The following USB1 variants were observed in gnomAD, a reference collection of about 807,000 sequenced individuals.
USB1 encodes U6 snRNA phosphodiesterase 1.
Under a neutral mutation model 29.9 loss-of-function variants are expected in USB1, and 21 were observed. The observed-to-expected ratio is 0.70, with a 90% CI of 0.50 to 1.01. The LOEUF is 1.01. Ranked by LOEUF, USB1 falls within the 50% of genes least tolerant of loss-of-function variation. The probability of loss-of-function intolerance (pLI) is 0.00; values close to 1 mark genes in which losing one functional copy is unlikely to be tolerated. For synonymous variants in USB1, 143 were observed against 134.9 expected, an observed-to-expected ratio of 1.06 and a Z score of -0.42; for missense variants, 330 against 347.1, an observed-to-expected ratio of 0.95 and a Z score of 0.39.
At chr16:58,012,308 C>G in intron 3 of USB1, 2 of 1,535,512 alleles carry the variant, frequency 1.3e-6, no homozygotes, top group Non-Finnish European at 1.7e-6. Context: ...TATCAGGACT[C>G]TCTTAACCAC....
In USB1 at chr16:58,002,542, G is replaced by C. The variant is rs143792185; in HGVS notation, c.162G>C (p.Pro54=). Residue 54 remains proline (P), a synonymous_variant, in exon 2 of 7, where the codon CCG becomes CCC. Coordinates refer to ENST00000219281, the MANE Select transcript of USB1 (RefSeq NM_024598.4). ...CTGACAGTGTGCTGAACATGTTCCC[G>C]GGCACCGAGGAGGGGCCTGAAGATG... ...PVPDSVLNMF[P]GTEEGPEDDS... The C allele has an allele frequency of 1.2e-6, 2 of 1,613,944 alleles. No homozygotes were observed. Among genetic ancestry groups the C allele is most frequent in the Non-Finnish European group, 1.7e-6 (2 of 1,180,040 alleles).
In USB1 at chr16:58,020,356, G is replaced by A; in HGVS notation, c.*111G>A. The A allele has an allele frequency of 1.0e-6, 1 of 1,001,396 alleles. No individual in the cohort carries two copies. The highest frequency in any genetic ancestry group is 1.6e-6 in the Non-Finnish European group (1 of 644,774). 62.0% of individuals were successfully genotyped at this position (1,001,396 alleles called of 1,614,324 possible). On this transcript the variant is annotated 3_prime_UTR_variant, in exon 7 of 7. Coordinates refer to ENST00000219281, the MANE Select transcript of USB1 (RefSeq NM_024598.4). ...CCTCCCAGTAGGAGGCCCCAGCCAT[G>A]CCTTCAACCTGGCAGGAGGTGTAGC...
chr16:58,007,368 TTTTGTTTG>T (rs149858196), intron 2 of USB1, among the ~76,000 whole-genome samples: 3 of 152,030 alleles, frequency 2.0e-5, no homozygotes, highest in East Asian at 3.9e-4. Flanking sequence ...GGAAGGTAAT[TTTTGTTTG>T]TTTGTTTGTT....
chr16:58,012,851 T>C (rs1963530146), intron 3 of USB1: 1 of 988,652 alleles, frequency 1.0e-6, no homozygotes, highest in African/African-American at 1.7e-5. Context: ...CATACAGTGG[T>C]TCCTTAACTG....
intron 2 of USB1, among the ~76,000 whole-genome samples, chr16:58,007,758 G>C (rs896185667): frequency 6.6e-6 from 1 of 152,038 alleles, no homozygotes; most frequent in African/African-American, 2.4e-5. Context: ...AGGCCAACAC[G>C]GGCAGATTGC....
intron 4 of USB1, chr16:58,017,111 G>T: frequency 1.8e-6 from 1 of 568,220 alleles, no homozygotes; most frequent in South Asian, 2.0e-5. Flanking sequence ...TCCAGAGAAG[G>T]GAGGAGAGCT....
intron 2 of USB1, among the ~76,000 whole-genome samples, chr16:58,004,796 G>A (rs1963312677): frequency 6.6e-6 from 1 of 152,228 alleles, no homozygotes; most frequent in African/African-American, 2.4e-5. Flanking sequence ...TGTGTGCGGA[G>A]ACGAGAGATT....
intron 2 of USB1, among the ~76,000 whole-genome samples, chr16:58,004,466 G>C (rs1963305975): frequency 6.6e-6 from 1 of 152,058 alleles, no homozygotes; most frequent in Non-Finnish European, 1.5e-5. Flanking sequence ...TTTTTTTAGA[G>C]ATAGGGTCTC....
At chr16:58,017,557 C>A in intron 5 of USB1, 118 bp downstream of exon 5, 1 of 906,190 alleles carries the variant, frequency 1.1e-6, no homozygotes. Context: ...CGTGTCGGTG[C>A]TCTGAATGCC....
At chr16:58,020,100 G>A in intron 6 of USB1, 41 bp from the exon 7 acceptor site, 2 of 1,602,144 alleles carry the variant, frequency 1.2e-6, no homozygotes, top group Non-Finnish European at 8.6e-7. Context: ...GGTCCCAGAT[G>A]CCCCTTAATG....
At chr16:58,018,350 A>G (rs1963665040) in intron 5 of USB1, among the ~76,000 whole-genome samples, 1 of 151,668 alleles carries the variant, frequency 6.6e-6, no homozygotes, top group Non-Finnish European at 1.5e-5. Context: ...CAGTCTCCCA[A>G]GTGGCTGGGA....
At chr16:58,005,413 G>T (rs1316261012) in intron 2 of USB1, among the ~76,000 whole-genome samples, 2 of 152,160 alleles carry the variant, frequency 1.3e-5, no homozygotes, top group Non-Finnish European at 2.9e-5. Context: ...CCAGACGCTG[G>T]CATTACTGCT....
chr16:58,006,662 G>A (rs563781042), intron 2 of USB1, among the ~76,000 whole-genome samples: 8 of 148,040 alleles, frequency 5.4e-5, no homozygotes, highest in Non-Finnish European at 1.0e-4. Flanking sequence ...CTGTCTTGGG[G>A]AAAAAAAAAA....
In USB1 at chr16:58,002,477, A is replaced by G. The variant is rs2142290923; in HGVS notation, c.99-2A>G. ...ACTCATTTTTCTTTTTTTCTTTTGC[A>G]GTGGCCAGAGCCCCCTTCCCAGGCA... On this transcript the variant is annotated splice_acceptor_variant, in intron 1 of 6. Transcript: ENST00000219281. LOFTEE classifies it high-confidence loss of function. 4 of 1,613,878 alleles carry G rather than the reference A, an allele frequency of 2.5e-6. No homozygotes were observed. The highest frequency in any genetic ancestry group is 3.4e-6 in the Non-Finnish European group (4 of 1,180,028).
chr16:58,013,942 A>G lies in USB1; in HGVS notation c.450-331A>G. On this transcript the variant is annotated intron_variant, in intron 3 of 6. Transcript: ENST00000219281. This position sits in a 1 kb window ranked among gnomAD's most constrained non-coding sequence, Gnocchi z 4.3. ...AAATGAATCAGCTGTTAAGTGGTCC[A>G]TTATCACCTACTTGATCAATAAGGC... 3.2e-6 allele frequency: 1 copy of G among 308,270 alleles called. No homozygotes were observed. The highest frequency in any genetic ancestry group is 6.2e-6 in the Non-Finnish European group (1 of 162,088). 19.1% of individuals were successfully genotyped at this position (308,270 alleles called of 1,614,324 possible). A position where few individuals can be genotyped will look rare whatever the true frequency, so the allele number is the denominator to read the frequency against.
In USB1 at chr16:58,009,045, T is replaced by A. The variant is rs540406648; in HGVS notation, c.266-884T>A. Among the ~76,000 whole-genome samples, 5 of 152,328 alleles carry A rather than the reference T, an allele frequency of 3.3e-5. No individual in the cohort carries two copies. The South Asian group carries it at 1.0e-3, about 32-fold the overall frequency. On this transcript the variant is annotated intron_variant, in intron 2 of 6. Coordinates refer to ENST00000219281, the MANE Select transcript of USB1 (RefSeq NM_024598.4). ...TTTCTAGTCTTTTATATTTAAGGGG[T>A]TCTGATGCTTACTATTTTTCTTCAG...
At chr16:58,000,237 A>C (rs1294610328), upstream of USB1, among the ~76,000 whole-genome samples, 2 of 151,974 alleles carry the variant, frequency 1.3e-5, no homozygotes, top group African/African-American at 4.8e-5. This position sits in a 1 kb window ranked among gnomAD's most constrained non-coding sequence, Gnocchi z 4.5. Flanking sequence ...GGCCGGGCCC[A>C]GGAAGCGGCT....
At chr16:58,000,797 G>A (rs1963162848), upstream of USB1, among the ~76,000 whole-genome samples, 1 of 152,014 alleles carries the variant, frequency 6.6e-6, no homozygotes, top group Non-Finnish European at 1.5e-5. This position sits in a 1 kb window ranked among gnomAD's most constrained non-coding sequence, Gnocchi z 4.5. Flanking sequence ...CGGGGACCCC[G>A]TGGCCGGGCC....
intron 5 of USB1, among the ~76,000 whole-genome samples, chr16:58,018,606 A>G (rs1293275935): frequency 1.3e-5 from 2 of 151,710 alleles, no homozygotes; most frequent in African/African-American, 4.8e-5. Flanking sequence ...TGGGGGCTAC[A>G]GAGAGAGAGA....
Sources: gnomAD v4.1 joint callset for allele counts (sites outside exome capture counted in the v4.1 genomes callset) on GRCh38, gnomAD v4.1.1 for gene constraint, Gnocchi (gnomAD v3.1) non-coding constraint, MANE v1.5 for transcripts, NCBI Gene and HGNC (gene_info 2026-07-23, HGNC 2026-07-21) for gene names.